Variants in SYNE1 observed in about 807,000 individuals in gnomAD.
SYNE1 encodes the protein spectrin repeat containing nuclear envelope protein 1.
SYNE1 carries 616 observed loss-of-function variants against 1,111.0 expected under a neutral mutation model. That is an observed-to-expected ratio of 0.55 (90% CI 0.52 to 0.59). The LOEUF (loss-of-function observed/expected upper bound fraction) is 0.59. Among genes scored for constraint, SYNE1 ranks in the 20% least tolerant of loss-of-function variants. The pLI, the probability that SYNE1 is intolerant of heterozygous loss-of-function variation, is 0.00. For synonymous variants in SYNE1, 3,855 were observed against 3,825.8 expected (o/e 1.01, Z -0.28); for missense variants, 10,006 against 10,417.0 (o/e 0.96, Z 1.72).
rs757082733 is a variant in SYNE1, at chr6:152,180,137, T to G, written c.23459A>C (p.Lys7820Thr). 6.2e-7 allele frequency: 1 copy of G among 1,614,108 alleles called. No individual in the cohort carries two copies. The highest frequency in any genetic ancestry group is 1.1e-5 in the South Asian group (1 of 91,080). ...LIEEMIEKLKKDYQEEIAIAQ... is the reference protein window; with the variant it reads ...LIEEMIEKLKTDYQEEIAIAQ... ...CCTAAGTAGCCATGCATTCCATACC[T>G]TCTTGAGCTTCTCTATCATTTCTTC... The change falls in exon 129 of 146, where the codon AAG becomes ACG. Residue 7820 changes from lysine to threonine, a missense_variant and splice_region_variant. Coordinates refer to ENST00000367255, the MANE Select transcript of SYNE1 (RefSeq NM_182961.4).
At chr6:152,466,424 G>C (rs986158674) in intron 16 of SYNE1, among the ~76,000 whole-genome samples, 1 of 152,168 alleles carries the variant, frequency 6.6e-6, no homozygotes, top group Non-Finnish European at 1.5e-5. Context: ...GTGTCCCACT[G>C]TGTCTCAGCT....
intron 93 of SYNE1, 98 bp downstream of exon 93, chr6:152,300,543 A>C: frequency 6.4e-7 from 1 of 1,565,418 alleles, no homozygotes; most frequent in Non-Finnish European, 8.8e-7. Context: ...CAAATGCAAC[A>C]AAGTCTGAGA....
At chr6:152,556,993 T>A (rs1047531957) in intron 3 of SYNE1, among the ~76,000 whole-genome samples, 7 of 152,164 alleles carry the variant, frequency 4.6e-5, no homozygotes, top group Admixed American at 2.0e-4. Flanking sequence ...GAGAAATAAT[T>A]TAACATAATC....
Position 152,391,369 on chromosome 6 carries a change from A to G in SYNE1, c.7912T>C (p.Phe2638Leu), listed in dbSNP as rs1384817395. The change falls in exon 52 of 146, where the codon TTC (phenylalanine) becomes CTC (leucine). Residue 2638 changes from phenylalanine (F) to leucine (L), a missense_variant. Coordinates refer to ENST00000367255, the MANE Select transcript of SYNE1 (RefSeq NM_182961.4). ...ALEEALQSMWFWVKAIQDRLA... is the reference protein window; with the variant it reads ...ALEEALQSMWLWVKAIQDRLA... Reference sequence around the variant, plus strand: ...CTGTCCTGAATGGCCTTCACCCAGAACCACATGCTTTGCAGTGCTTCCTCC... The same window carrying G: ...CTGTCCTGAATGGCCTTCACCCAGAGCCACATGCTTTGCAGTGCTTCCTCC... 9 of 1,613,878 alleles carry G rather than the reference A, an allele frequency of 5.6e-6. No homozygotes were observed. In the Admixed American group the frequency reaches 1.5e-4, roughly 27 times the overall value.
chr6:152,608,946 T>TA (rs869105804), intron 3 of SYNE1, among the ~76,000 whole-genome samples: 4 of 69,710 alleles, frequency 5.7e-5, no homozygotes, highest in Admixed American at 1.2e-4. Flanking sequence ...AATAAAAAAA[T>TA]AAAAAAAAAT....
intron 111 of SYNE1, among the ~76,000 whole-genome samples, chr6:152,234,205 A>G (rs1245265261): frequency 1.3e-5 from 2 of 152,304 alleles, no homozygotes; most frequent in Non-Finnish European, 2.9e-5. Context: ...ACTTTGCATA[A>G]TTATGGAACA....
chr6:152,369,158 GGC>G, intron 60 of SYNE1, 31 bp from the exon 61 acceptor site: 4 of 1,609,732 alleles, frequency 2.5e-6, no homozygotes, highest in Non-Finnish European at 3.4e-6. Context: ...ACTATTCAGA[GGC>G]TGGGGAAAAG....
rs776942105 is a variant in SYNE1 at position 152,255,575 on chromosome 6, G to A, written c.19260+16C>T. ...TGTAATGTTATACACACACAGGCAGGAACTACTAAACCTACCTCTTGGTTG... is the reference window on the plus strand; with the variant it reads ...TGTAATGTTATACACACACAGGCAGAAACTACTAAACCTACCTCTTGGTTG... On this transcript the variant is annotated intron_variant, in intron 103 of 145. Transcript: ENST00000367255. 1.2e-6 allele frequency: 2 copies of A among 1,614,000 alleles called. No individual in the cohort carries two copies. Among genetic ancestry groups the A allele is most frequent in the East Asian group, 2.2e-5 (1 of 44,880 alleles).
rs146794395 is a variant in SYNE1 at position 152,256,664 on chromosome 6, C to T, written c.19074G>A (p.Leu6358=). Residue 6358 remains leucine, a synonymous_variant, in exon 102 of 146, where the codon CTG becomes CTA. Transcript: ENST00000367255. The stretch of plus-strand genomic sequence containing the variant: ...ATGAAACCTCCTCGAAGGCTTGGTT[C>T]AGTCCATCCAGCAAAGATGTAACTG... The part of the protein sequence containing the change: ...KSAVTSLLDG[L]NQAFEEVSSQ... The T allele has an allele frequency of 2.5e-6, 4 of 1,613,766 alleles. No homozygotes were observed. In the African/African-American group the frequency reaches 5.3e-5, roughly 22 times the overall value.
chr6:152,532,082 TG>T (rs1340032939), intron 4 of SYNE1, among the ~76,000 whole-genome samples: 1 of 152,242 alleles, frequency 6.6e-6, no homozygotes, highest in Non-Finnish European at 1.5e-5. Flanking sequence ...ACTGACATAT[TG>T]TTTTACATAG....
chr6:152,294,416 A>G (rs537577883), intron 93 of SYNE1, among the ~76,000 whole-genome samples: 117 of 152,364 alleles, frequency 7.7e-4, no homozygotes, highest in African/African-American at 2.7e-3. Flanking sequence ...TGGAAATACA[A>G]AGGATTTAAG....
chr6:152,575,411 G>A lies in SYNE1; in HGVS notation c.68-35390C>T, dbSNP rs944253023. On this transcript the variant is annotated intron_variant, in intron 3 of 145. Coordinates refer to ENST00000367255, the MANE Select transcript of SYNE1 (RefSeq NM_182961.4). Reference sequence around the variant, plus strand: ...TGCATTAGATGCCCCAAGACTCTCTGAGACAAGGCTTAGAGGTCTGCATTG... The same window carrying A: ...TGCATTAGATGCCCCAAGACTCTCTAAGACAAGGCTTAGAGGTCTGCATTG... 7.9e-5 allele frequency among the ~76,000 whole-genome samples: 12 copies of A among 152,158 alleles called. 1 individual carries two copies. The highest frequency in any genetic ancestry group is 1.3e-4 in the Admixed American group (2 of 15,280).
intron 9 of SYNE1, among the ~76,000 whole-genome samples, chr6:152,504,990 C>T (rs2099050127): frequency 6.6e-6 from 1 of 152,164 alleles, no homozygotes; most frequent in Non-Finnish European, 1.5e-5. Flanking sequence ...TGCCAAAGTG[C>T]TGTTTGGAGC....
chr6:152,145,320 T>C (rs2059282927), intron 137 of SYNE1: 9 of 689,030 alleles, frequency 1.3e-5, no homozygotes, highest in Non-Finnish European at 2.3e-5. Flanking sequence ...ATCTTATTCT[T>C]GGTGTGGATT....
In SYNE1 at chr6:152,354,535, T is replaced by C; in HGVS notation, c.10926+124A>G. The C allele has an allele frequency of 1.9e-6, 2 of 1,061,662 alleles. 1 individual carries two copies. Among genetic ancestry groups the C allele is most frequent in the South Asian group, 2.7e-5 (2 of 74,700 alleles). 65.8% of individuals were successfully genotyped at this position (1,061,662 alleles called of 1,614,324 possible). A position where few individuals can be genotyped will look rare whatever the true frequency, so the allele number is the denominator to read the frequency against. ...TCCATTGTGATTTATTTTAACTTTC[T>C]AGGTAATCAAAAAGATTTTGCAAAG... On this transcript the variant is annotated intron_variant, in intron 67 of 145. Transcript: ENST00000367255.
chr6:152,202,346 C>CAAAAAAAAAAAAAAAAAAAAAAAG (rs2075649627), intron 126 of SYNE1, among the ~76,000 whole-genome samples: 1 of 48,042 alleles, frequency 2.1e-5, no homozygotes, highest in Non-Finnish European at 3.9e-5. Context: ...GACTCTGTCT[C>CAAAAAAAAAAAAAAAAAAAAAAAG]AAAAAAAAAA....
chr6:152,475,121 T>C (rs2098827573), intron 14 of SYNE1, among the ~76,000 whole-genome samples: 1 of 152,110 alleles, frequency 6.6e-6, no homozygotes. Flanking sequence ...ATTAAGAACA[T>C]GGATAGGTTA....
chr6:152,387,840 A>G (rs1169774227), intron 53 of SYNE1, among the ~76,000 whole-genome samples: 1 of 152,168 alleles, frequency 6.6e-6, no homozygotes, highest in Non-Finnish European at 1.5e-5. Flanking sequence ...TTCCTGAGTA[A>G]ATGATCTATC....
chr6:152,447,620 C>A lies in SYNE1; in HGVS notation c.3507G>T (p.Glu1169Asp), dbSNP rs1179628181. 1 of 1,614,044 alleles carries A rather than the reference C, an allele frequency of 6.2e-7. No homozygotes were observed. Among genetic ancestry groups the A allele is most frequent in the African/African-American group, 1.3e-5 (1 of 74,940 alleles). ...NHGEVKRAVE[E>D]IRNGVTKRGE... ...CCCTTTTGGTAACACCATTTCTGATCTCCTGAAATGAGAGAACACTTTTGA... is the reference window on the plus strand; with the variant it reads ...CCCTTTTGGTAACACCATTTCTGATATCCTGAAATGAGAGAACACTTTTGA... The change falls in exon 29 of 146, where the codon GAG (glutamate) becomes GAT (aspartate). Residue 1169 changes from glutamate (E) to aspartate (D), a missense_variant and splice_region_variant. Physicochemically the swap from Glu to Asp is conservative, Grantham distance 45. Coordinates refer to ENST00000367255, the MANE Select transcript of SYNE1 (RefSeq NM_182961.4).
Sources: allele counts gnomAD v4.1 joint callset (sites outside exome capture counted in the v4.1 genomes callset), GRCh38; gene constraint gnomAD v4.1.1; transcripts MANE v1.5; gene names NCBI Gene and HGNC (gene_info 2026-07-23, HGNC 2026-07-21).